Variants in LPA observed in about 807,000 individuals in gnomAD.
LPA encodes apolipoprotein(a).
A neutral mutation model predicts 197.9 loss-of-function variants in LPA; 199 were observed. That is an observed-to-expected ratio of 1.01 (90% CI 0.90 to 1.13). LPA has a LOEUF of 1.13. Ranked by LOEUF, LPA falls within the 50% of genes most tolerant of loss-of-function variation. The probability of loss-of-function intolerance (pLI) is 0.00; values close to 1 mark genes in which losing one functional copy is unlikely to be tolerated. For synonymous variants in LPA, 715 were observed against 639.5 expected (o/e 1.12, Z -1.78); for missense variants, 1,853 against 1,785.8 (o/e 1.04, Z -0.68).
chr6:160,577,141 TGG>T lies in LPA; in HGVS notation c.4624_4625del (p.Pro1542LysfsTer61), dbSNP rs1778699053. 1.9e-6 allele frequency: 3 copies of T among 1,613,484 alleles called. No individual in the cohort carries two copies. Among genetic ancestry groups the T allele is most frequent in the Admixed American group, 1.7e-5 (1 of 59,998 alleles). Reference sequence around the variant, plus strand: ...GGTTTTAATCAAATACATACGCATTTGGGTAGTTTTCTGGGGTCCTCTGATGC... The same window carrying T: ...GGTTTTAATCAAATACATACGCATTTGTAGTTTTCTGGGGTCCTCTGATGC... ...HWHQRTPENYPNAGLTENYCR... is the reference protein window; with the variant it reads ...HWHQRTPENYXNAGLTENYCR... On this transcript the variant is annotated frameshift_variant, in exon 28 of 39. Coordinates refer to ENST00000316300, the MANE Select transcript of LPA (RefSeq NM_005577.4). LOFTEE classifies it high-confidence loss of function.
At chr6:160,649,430 C>T (rs1325565683) in intron 2 of LPA, among the ~76,000 whole-genome samples, 1 of 152,180 alleles carries the variant, frequency 6.6e-6, no homozygotes, top group Non-Finnish European at 1.5e-5. Flanking sequence ...GAACTCCTTT[C>T]CTCCACAAAT....
intron 26 of LPA, among the ~76,000 whole-genome samples, chr6:160,582,894 T>C (rs536877958): frequency 6.6e-5 from 10 of 152,142 alleles, no homozygotes; most frequent in Non-Finnish European, 1.3e-4. Flanking sequence ...AGGCTTTGTA[T>C]AAGCGTGCTA....
At chr6:160,542,621 A>C in intron 34 of LPA, 67 bp downstream of exon 34, 1 of 1,607,966 alleles carries the variant, frequency 6.2e-7, no homozygotes, top group Non-Finnish European at 8.5e-7. Context: ...GTTCTGTGTA[A>C]ATGTAGAAGG....
At chr6:160,593,897 C>T in intron 22 of LPA, 61 bp downstream of exon 22, 1 of 1,586,304 alleles carries the variant, frequency 6.3e-7, no homozygotes, top group Non-Finnish European at 8.6e-7. Context: ...GGAAGCATGG[C>T]CCTTCCAAGA....
chr6:160,534,383 C>G (rs938310755), intron 37 of LPA, among the ~76,000 whole-genome samples: 2 of 152,204 alleles, frequency 1.3e-5, no homozygotes, highest in East Asian at 3.9e-4. Flanking sequence ...GCTGCCATCT[C>G]GTGGCCAATG....
chr6:160,544,999 A>G (rs781181153), intron 33 of LPA, among the ~76,000 whole-genome samples: 41 of 152,166 alleles, frequency 2.7e-4, no homozygotes, highest in Non-Finnish European at 5.4e-4. Flanking sequence ...TAGGATGGCC[A>G]TCTGAGGTTT....
At chr6:160,648,955 G>T (rs867813034) in intron 2 of LPA, among the ~76,000 whole-genome samples, 15 of 152,082 alleles carry the variant, frequency 9.9e-5, no homozygotes, top group Admixed American at 1.3e-4. Flanking sequence ...GTTTCTATGT[G>T]TAGTCAAGTT....
At chr6:160,584,746 G>A (rs1489903834) in intron 26 of LPA, among the ~76,000 whole-genome samples, 3 of 152,092 alleles carry the variant, frequency 2.0e-5, no homozygotes, top group Non-Finnish European at 4.4e-5. Flanking sequence ...CCTTTAGTGG[G>A]CATTGTGGAA....
At chr6:160,553,072 CA>C (rs933391575) in intron 30 of LPA, among the ~76,000 whole-genome samples, 41 of 152,158 alleles carry the variant, frequency 2.7e-4, no homozygotes, top group Non-Finnish European at 4.3e-4. Flanking sequence ...ATGGATAATG[CA>C]AAAAACTCAT....
At position 160,600,966 on chromosome 6, in the gene LPA, G is replaced by C; in HGVS notation, c.3078C>G (p.Val1026=). ...TTGGAGCCAGAATAACATTCGGAGG[G>C]ACGAAGGCAGTCCATTCTGCATCTG... ...RCSDAEWTAF[V]PPNVILAPSL... The change falls in exon 19 of 39, where the codon GTC becomes GTG. Residue 1026 remains valine (V), a synonymous_variant. Transcript: ENST00000316300. 1 of 1,613,696 alleles carries C rather than the reference G, an allele frequency of 6.2e-7. No individual in the cohort carries two copies. Among genetic ancestry groups the C allele is most frequent in the Non-Finnish European group, 8.5e-7 (1 of 1,179,980 alleles).
At chr6:160,575,419 T>C (rs1454945686) in intron 28 of LPA, among the ~76,000 whole-genome samples, 2 of 152,248 alleles carry the variant, frequency 1.3e-5, no homozygotes, top group Admixed American at 6.5e-5. Context: ...GTATGTCTAG[T>C]AAATTTTTAA....
rs142169067 is a variant in LPA, at chr6:160,533,427, C to T, written c.5843-778G>A. ...TGTTCTTCAGTTGAGGAAACTGAGG[C>T]GTAAGGAGGTTGTATAGCTCAGCTT... is the stretch of plus-strand genomic sequence containing the variant. On this transcript the variant is annotated intron_variant, in intron 37 of 38. Coordinates refer to ENST00000316300, the MANE Select transcript of LPA (RefSeq NM_005577.4). Among the ~76,000 whole-genome samples the T allele has an allele frequency of 1.8e-3, 276 of 152,282 alleles. 5 individuals are homozygous for T. The East Asian group carries it at 0.043, about 24-fold the overall frequency.
At chr6:160,583,327 C>T (rs1168573339) in intron 26 of LPA, among the ~76,000 whole-genome samples, 1 of 152,156 alleles carries the variant, frequency 6.6e-6, no homozygotes, top group Non-Finnish European at 1.5e-5. Flanking sequence ...TTGTTTTCTT[C>T]TGACAGGCAA....
chr6:160,605,041 C>T lies in LPA; in HGVS notation c.2945+5G>A, dbSNP rs780150317. On this transcript the variant is annotated splice_donor_5th_base_variant and intron_variant, in intron 18 of 38. Coordinates refer to ENST00000316300, the MANE Select transcript of LPA (RefSeq NM_005577.4). ...CTTCACTTATGGTAAAGAAAATAGACATACGCATTTGGGTAGTATGCTGGG... is the reference window on the plus strand; with the variant it reads ...CTTCACTTATGGTAAAGAAAATAGATATACGCATTTGGGTAGTATGCTGGG... The T allele has an allele frequency of 5.6e-6, 9 of 1,613,380 alleles. No homozygotes were observed. The East Asian group carries it at 2.0e-4, about 36-fold the overall frequency.
At chr6:160,656,828 A>G (rs1389301543) in intron 1 of LPA, among the ~76,000 whole-genome samples, 1 of 152,178 alleles carries the variant, frequency 6.6e-6, no homozygotes, top group Non-Finnish European at 1.5e-5. Flanking sequence ...TATAATTCAG[A>G]TTAGTCTTTA....
At chr6:160,554,948 G>C (rs1032689334) in intron 30 of LPA, among the ~76,000 whole-genome samples, 1 of 152,064 alleles carries the variant, frequency 6.6e-6, no homozygotes, top group Non-Finnish European at 1.5e-5. Flanking sequence ...TAATAGTTAC[G>C]GAGTTGCGCT....
chr6:160,596,823 A>G (rs751463497), intron 20 of LPA, among the ~76,000 whole-genome samples: 19 of 152,170 alleles, frequency 1.2e-4, no homozygotes, highest in Admixed American at 1.2e-3. Context: ...AGAGCATCTA[A>G]AATTATGTAA....
chr6:160,591,251 A>T (rs1402586915), intron 22 of LPA, 150 bp from the exon 23 acceptor site: 7 of 993,690 alleles, frequency 7.0e-6, no homozygotes, highest in Non-Finnish European at 1.1e-5. Context: ...ATCGTCCTCA[A>T]CTTCTAAACA....
intron 28 of LPA, among the ~76,000 whole-genome samples, chr6:160,569,336 C>T (rs1245724898): frequency 6.6e-6 from 1 of 150,436 alleles, no homozygotes; most frequent in Admixed American, 6.6e-5. Flanking sequence ...CACACATCTA[C>T]AACCATCTGA....
Sources: allele counts gnomAD v4.1 joint callset (sites outside exome capture counted in the v4.1 genomes callset), GRCh38; gene constraint gnomAD v4.1.1; transcripts MANE v1.5; gene names NCBI Gene and HGNC (gene_info 2026-07-23, HGNC 2026-07-21).